The following MYO6 variants were observed in gnomAD, a reference collection of about 807,000 sequenced individuals.
MYO6 encodes unconventional myosin-VI.
MYO6 carries 74 observed loss-of-function variants against 178.7 expected under a neutral mutation model. The ratio of observed to expected loss-of-function variants is 0.41; its 90% confidence interval spans 0.34 to 0.50. The LOEUF (loss-of-function observed/expected upper bound fraction) is 0.50, where lower values mean the gene tolerates loss of function less well. Ranked by LOEUF, MYO6 falls within the 20% of genes least tolerant of loss-of-function variation. MYO6 has a pLI of 0.09. For missense variants in MYO6, 1,330 were observed against 1,547.4 expected, an observed-to-expected ratio of 0.86 and a Z score of 2.36; for synonymous variants, 477 against 504.6, an observed-to-expected ratio of 0.95 and a Z score of 0.73.
In MYO6 at chr6:75,916,320, T is replaced by G. The variant is rs556575190; in HGVS notation, c.*1308T>G. ...GTGATTTCTTTTTTCCCTAGAAAGA[T>G]TACCTCAGTTAGGGAAGTATTTCCC... On this transcript the variant is annotated 3_prime_UTR_variant, in exon 35 of 35. Coordinates refer to ENST00000369977, the MANE Select transcript of MYO6 (RefSeq NM_004999.4). The G allele has an allele frequency of 6.6e-6, 1 of 152,568 alleles. No individual in the cohort carries two copies. Among genetic ancestry groups the G allele is most frequent in the South Asian group, 2.1e-4 (1 of 4,830 alleles). The allele number at this position is 152,568 out of a possible 1,614,324, so 9.5% of individuals were successfully genotyped here.
At chr6:75,782,079 G>A (rs1432954868) in intron 1 of MYO6, among the ~76,000 whole-genome samples, 1 of 152,098 alleles carries the variant, frequency 6.6e-6, no homozygotes, top group Admixed American at 6.5e-5. Flanking sequence ...GTCATATAAA[G>A]TATGGGCAGG....
At chr6:75,865,606 C>T (rs1776597768) in intron 16 of MYO6, among the ~76,000 whole-genome samples, 1 of 151,924 alleles carries the variant, frequency 6.6e-6, no homozygotes, top group Admixed American at 6.6e-5. Context: ...CTCAAGCATT[C>T]CGCCTGCCTC....
intron 18 of MYO6, 103 bp downstream of exon 18, chr6:75,867,208 AAGT>A: frequency 2.1e-6 from 2 of 973,248 alleles, no homozygotes; most frequent in Non-Finnish European, 3.0e-6. Flanking sequence ...TCTCACAGTG[AAGT>A]TCAAGAGCAG....
chr6:75,887,679 G>A (rs1418596658), intron 25 of MYO6, among the ~76,000 whole-genome samples: 3 of 145,714 alleles, frequency 2.1e-5, no homozygotes, highest in South Asian at 2.2e-4. Context: ...TAAAGTTGGA[G>A]CAAAAAGAAA....
At chr6:75,842,136 T>C (rs1380910158) in intron 9 of MYO6, among the ~76,000 whole-genome samples, 7 of 152,068 alleles carry the variant, frequency 4.6e-5, no homozygotes, top group Non-Finnish European at 8.8e-5. Flanking sequence ...ATTAAAAAGA[T>C]AAATAATACA....
intron 11 of MYO6, among the ~76,000 whole-genome samples, chr6:75,851,298 T>G (rs976618784): frequency 2.0e-5 from 3 of 152,168 alleles, no homozygotes; most frequent in African/African-American, 7.2e-5. Context: ...GAGGGTAAAG[T>G]GAACAGAAAT....
intron 1 of MYO6, among the ~76,000 whole-genome samples, chr6:75,767,744 T>G (rs1176238504): frequency 6.6e-6 from 1 of 152,066 alleles, no homozygotes; most frequent in Admixed American, 6.6e-5. Flanking sequence ...TCTTAACTTC[T>G]GAGCTCAAGC....
At chr6:75,895,675 A>C (rs1400254907) in intron 29 of MYO6, among the ~76,000 whole-genome samples, 2 of 150,864 alleles carry the variant, frequency 1.3e-5, no homozygotes, top group African/African-American at 4.9e-5. Flanking sequence ...GCACCACCAC[A>C]CTCAGCTAAT....
At chr6:75,810,566 G>A (rs1325703060) in intron 1 of MYO6, among the ~76,000 whole-genome samples, 1 of 152,190 alleles carries the variant, frequency 6.6e-6, no homozygotes, top group African/African-American at 2.4e-5. Flanking sequence ...TGGGAATTCA[G>A]TTTTTCAAGT....
chr6:75,880,418 G>T (rs535027376), intron 22 of MYO6, among the ~76,000 whole-genome samples: 20 of 152,184 alleles, frequency 1.3e-4, no homozygotes, highest in Non-Finnish European at 8.8e-5. Flanking sequence ...ATTGGAAGAA[G>T]AACAGTTGTC....
At position 75,859,013 on chromosome 6, in the gene MYO6, T is replaced by A; in HGVS notation, c.1473+20T>A. 1 of 1,429,106 alleles carries A rather than the reference T, an allele frequency of 7.0e-7. No individual in the cohort carries two copies. The highest frequency in any genetic ancestry group is 9.9e-7 in the Non-Finnish European group (1 of 1,014,582). 88.5% of individuals were successfully genotyped at this position (1,429,106 alleles called of 1,614,324 possible). A position where few individuals can be genotyped will look rare whatever the true frequency, so the allele number is the denominator to read the frequency against. On this transcript the variant is annotated intron_variant, in intron 14 of 34. Coordinates refer to ENST00000369977, the MANE Select transcript of MYO6 (RefSeq NM_004999.4). ...AAGGAGGTAATTGCCATTATAAGTTTAATTTAAGATCTGCATAAAGCTATT... is the reference window on the plus strand; with the variant it reads ...AAGGAGGTAATTGCCATTATAAGTTAAATTTAAGATCTGCATAAAGCTATT...
chr6:75,900,411 T>A (rs1779664292), intron 30 of MYO6, among the ~76,000 whole-genome samples: 1 of 152,230 alleles, frequency 6.6e-6, no homozygotes, highest in Non-Finnish European at 1.5e-5. Flanking sequence ...TTTCCTGACT[T>A]TTTAATGATT....
chr6:75,772,003 A>G (rs1765944743), intron 1 of MYO6, among the ~76,000 whole-genome samples: 1 of 152,236 alleles, frequency 6.6e-6, no homozygotes, highest in African/African-American at 2.4e-5. Flanking sequence ...TCTCTGGGAT[A>G]GAGACTTAAG....
intron 2 of MYO6, among the ~76,000 whole-genome samples, chr6:75,820,201 C>A (rs773915761): frequency 2.0e-5 from 3 of 152,186 alleles, no homozygotes; most frequent in African/African-American, 7.2e-5. Flanking sequence ...TGCTGGTCTT[C>A]TGTTGTGTCA....
At chr6:75,790,322 T>C (rs1768095023) in intron 1 of MYO6, among the ~76,000 whole-genome samples, 1 of 152,178 alleles carries the variant, frequency 6.6e-6, no homozygotes, top group Admixed American at 6.5e-5. Flanking sequence ...ATTAGCAGAG[T>C]ATCACAATAA....
intron 2 of MYO6, among the ~76,000 whole-genome samples, chr6:75,822,003 TA>T (rs1426933126): frequency 1.3e-5 from 2 of 152,172 alleles, no homozygotes; most frequent in African/African-American, 4.8e-5. Context: ...TTGTGTCAAA[TA>T]TATTTTACTG....
At chr6:75,824,868 T>G (rs1772290643) in intron 3 of MYO6, among the ~76,000 whole-genome samples, 2 of 152,034 alleles carry the variant, frequency 1.3e-5, no homozygotes, top group South Asian at 2.1e-4. Context: ...CCAGCAATTC[T>G]TCTGCTTCAG....
At chr6:75,775,503 A>G (rs1207103726) in intron 1 of MYO6, among the ~76,000 whole-genome samples, 1 of 152,184 alleles carries the variant, frequency 6.6e-6, no homozygotes, top group Non-Finnish European at 1.5e-5. Flanking sequence ...AGGCCTGTGT[A>G]CGGGAGACAG....
rs72654766 is a variant in MYO6 at position 75,794,068 on chromosome 6, G to A, written c.-47-23433G>A. On this transcript the variant is annotated intron_variant, in intron 1 of 34. Transcript: ENST00000369977. ...GAGGGAAAGTAAAAATGTGACTGTA[G>A]AAATAAAATTTTCTGTGGAAGGGTT... Among the ~76,000 whole-genome samples, 1,987 of 152,188 alleles carry A rather than the reference G, an allele frequency of 0.013. 71 individuals carry two copies. In the East Asian group the frequency reaches 0.15, roughly 11 times the overall value.
Sources: allele counts gnomAD v4.1 joint callset (sites outside exome capture counted in the v4.1 genomes callset), GRCh38; gene constraint gnomAD v4.1.1; transcripts MANE v1.5; gene names NCBI Gene and HGNC (gene_info 2026-07-23, HGNC 2026-07-21).